Variants in HMMR observed in about 807,000 individuals in gnomAD.
The protein encoded by HMMR is intracellular hyaluronic acid-binding protein.
Under a neutral mutation model 101.0 loss-of-function variants are expected in HMMR, and 108 were observed. The ratio of observed to expected loss-of-function variants is 1.07; its 90% CI spans 0.92 to 1.25. The LOEUF (loss-of-function observed/expected upper bound fraction) is 1.25. Among genes scored for constraint, HMMR ranks in the 50% most tolerant of loss-of-function variants. The pLI, the probability that HMMR is intolerant of heterozygous loss-of-function variation, is 0.00. For synonymous variants in HMMR, 296 were observed against 276.4 expected, an observed-to-expected ratio of 1.07 and a Z score of -0.70; for missense variants, 813 against 788.7, an observed-to-expected ratio of 1.03 and a Z score of -0.37.
At chr5:163,489,261 G>T (rs1244481574) in intron 16 of HMMR, 2 of 152,310 alleles carry the variant, frequency 1.3e-5, no homozygotes, top group Non-Finnish European at 2.9e-5. Flanking sequence ...CTCCTGCTCT[G>T]CAGCCGGGTT....
In HMMR at chr5:163,460,677, G is replaced by C. The variant is rs1166910315; in HGVS notation, c.-16G>C. On this transcript the variant is annotated 5_prime_UTR_variant, in exon 1 of 18. Coordinates refer to ENST00000393915, the MANE Select transcript of HMMR (RefSeq NM_001142556.2). ...GGAGTGCCAGTCACCTTCAGTTTCTGGAGCTGGCCGTCAACATGTCCTTTC... is the reference window on the plus strand; with the variant it reads ...GGAGTGCCAGTCACCTTCAGTTTCTCGAGCTGGCCGTCAACATGTCCTTTC... 1 of 1,601,132 alleles carries C rather than the reference G, an allele frequency of 6.2e-7. No homozygotes were observed. Among genetic ancestry groups the C allele is most frequent in the Non-Finnish European group, 8.5e-7 (1 of 1,173,198 alleles).
chr5:163,465,638 A>G (rs889317924), intron 3 of HMMR, among the ~76,000 whole-genome samples: 1 of 152,002 alleles, frequency 6.6e-6, no homozygotes, highest in Non-Finnish European at 1.5e-5. Flanking sequence ...GTTGTCCACC[A>G]CACCCAGCCG....
At chr5:163,465,776 G>T (rs1308119539) in intron 3 of HMMR, among the ~76,000 whole-genome samples, 2 of 151,872 alleles carry the variant, frequency 1.3e-5, no homozygotes, top group Non-Finnish European at 2.9e-5. Context: ...TGGCCAACAT[G>T]TAGTCAAACC....
At chr5:163,489,596 G>A (rs1301745498) in intron 16 of HMMR, among the ~76,000 whole-genome samples, 2 of 152,140 alleles carry the variant, frequency 1.3e-5, no homozygotes, top group Non-Finnish European at 2.9e-5. Context: ...GCCCTCTTGA[G>A]TAACCTCCTG....
intron 15 of HMMR, 127 bp from the exon 16 acceptor site, chr5:163,483,942 C>A: frequency 1.8e-6 from 1 of 556,398 alleles, no homozygotes; most frequent in Non-Finnish European, 3.2e-6. Context: ...ATGGAGAGCC[C>A]TGAGAATATG....
chr5:163,484,211 T>C lies in HMMR; in HGVS notation c.1928T>C (p.Val643Ala), dbSNP rs199569126. 126 of 1,602,554 alleles carry C rather than the reference T, an allele frequency of 7.9e-5. 1 individual carries two copies. The African/African-American group carries it at 1.4e-3, about 17-fold the overall frequency. The change falls in exon 16 of 18, where the codon GTG becomes GCG. Residue 643 changes from valine to alanine, a missense_variant. Coordinates refer to ENST00000393915, the MANE Select transcript of HMMR (RefSeq NM_001142556.2). ...QNLKQKIKHV[V>A]KLKDENSQLK... ...TTGAAACAAAAAATCAAGCATGTTG[T>C]GAAGTTGAAAGATGAAAATAGCCAA...
At chr5:163,465,394 C>G (rs191020518) in intron 3 of HMMR, among the ~76,000 whole-genome samples, 1 of 151,980 alleles carries the variant, frequency 6.6e-6, no homozygotes, top group African/African-American at 2.4e-5. Context: ...AGTGCAGTGG[C>G]GCCATCTCAG....
At chr5:163,489,576 A>G (rs537322333) in intron 16 of HMMR, among the ~76,000 whole-genome samples, 13 of 152,136 alleles carry the variant, frequency 8.5e-5, no homozygotes, top group Non-Finnish European at 1.9e-4. Context: ...GAGATGAGGA[A>G]TAGCCTCAGG....
chr5:163,474,526 A>G (rs1177433442), intron 10 of HMMR: 2 of 463,120 alleles, frequency 4.3e-6, no homozygotes, highest in African/African-American at 2.0e-5. Context: ...GTCTAATTAC[A>G]GAAGAAACAA....
In HMMR at chr5:163,484,244, C is replaced by A; in HGVS notation, c.1961C>A (p.Ser654Ter). ...KLKDENSQLK[S>*]EVSKLRCQLA... Reference sequence around the variant, plus strand: ...AAAGATGAAAATAGCCAACTCAAATCGGTTTGTAAAATGACTTTTCATTTT... The same window carrying A: ...AAAGATGAAAATAGCCAACTCAAATAGGTTTGTAAAATGACTTTTCATTTT... The change falls in exon 16 of 18, where the codon TCG (serine) becomes TAG (stop). Residue 654 changes from serine (S) to a stop codon, truncating the protein, a stop_gained and splice_region_variant. Coordinates refer to ENST00000393915, the MANE Select transcript of HMMR (RefSeq NM_001142556.2). LOFTEE classifies it high-confidence loss of function. 2 of 1,564,140 alleles carry A rather than the reference C, an allele frequency of 1.3e-6. No individual in the cohort carries two copies. Among genetic ancestry groups the A allele is most frequent in the Non-Finnish European group, 1.7e-6 (2 of 1,147,370 alleles).
In HMMR at chr5:163,480,049, C is replaced by A. The variant is rs965462720; in HGVS notation, c.1385+1249C>A. On this transcript the variant is annotated intron_variant, in intron 12 of 17. Coordinates refer to ENST00000393915, the MANE Select transcript of HMMR (RefSeq NM_001142556.2). ...AATACAAAAGAATGCATAACATGTA[C>A]ATAAACTGTAGAGCTTGAAGATAAA... 2.6e-5 allele frequency among the ~76,000 whole-genome samples: 4 copies of A among 152,088 alleles called. No homozygotes were observed. The East Asian group carries it at 7.7e-4, about 29-fold the overall frequency.
intron 7 of HMMR, 82 bp from the exon 8 acceptor site, chr5:163,473,097 G>A: frequency 4.2e-6 from 3 of 709,228 alleles, no homozygotes; most frequent in Non-Finnish European, 7.5e-6. Context: ...GCCTGATACA[G>A]GAGTATCTGG....
intron 11 of HMMR, among the ~76,000 whole-genome samples, chr5:163,477,879 A>G (rs1759119913): frequency 6.6e-6 from 1 of 152,022 alleles, no homozygotes; most frequent in Admixed American, 6.5e-5. Context: ...TTTATTATAA[A>G]CTCTTTAGTC....
In HMMR at chr5:163,482,389, T is replaced by G. The variant is rs187546207; in HGVS notation, c.1386-253T>G. On this transcript the variant is annotated intron_variant, in intron 12 of 17. Coordinates refer to ENST00000393915, the MANE Select transcript of HMMR (RefSeq NM_001142556.2). ...ATTTTCATGCTTGGTAGTTGATTTCTTTTCCATCTCTGTATGCATACTTCC... is the reference window on the plus strand; with the variant it reads ...ATTTTCATGCTTGGTAGTTGATTTCGTTTCCATCTCTGTATGCATACTTCC... Among the ~76,000 whole-genome samples, 22 of 152,344 alleles carry G rather than the reference T, an allele frequency of 1.4e-4. 1 individual carries two copies. In the East Asian group the frequency reaches 4.2e-3, roughly 29 times the overall value.
At chr5:163,469,060 T>A (rs1290287390) in intron 4 of HMMR, among the ~76,000 whole-genome samples, 1 of 152,152 alleles carries the variant, frequency 6.6e-6, no homozygotes, top group Non-Finnish European at 1.5e-5. Context: ...TAGGTGGAAA[T>A]ACCTTAAAAG....
rs115147384 is a variant in HMMR, at chr5:163,471,281, G to C, written c.549+10G>C. On this transcript the variant is annotated intron_variant, in intron 6 of 17. Coordinates refer to ENST00000393915, the MANE Select transcript of HMMR (RefSeq NM_001142556.2). ...AGAAACAAAGATGAGGGTGAGTGCT[G>C]CCCTTGGCAGGTTTGCTGTGTCTGG... 1,135 of 1,608,380 alleles carry C rather than the reference G, an allele frequency of 7.1e-4. 4 individuals are homozygous for C. The African/African-American group carries it at 0.014, about 19-fold the overall frequency.
Position 163,483,154 on chromosome 5 carries a change from T to C in HMMR, c.1667T>C (p.Leu556Pro). 1 of 1,611,212 alleles carries C rather than the reference T, an allele frequency of 6.2e-7. No individual in the cohort carries two copies. The highest frequency in any genetic ancestry group is 8.5e-7 in the Non-Finnish European group (1 of 1,179,234). Residue 556 changes from leucine to proline, a missense_variant, in exon 14 of 18, where the codon CTG becomes CCG. Leu to Pro is a moderately conservative substitution (Grantham distance 98, BLOSUM62 -3). Coordinates refer to ENST00000393915, the MANE Select transcript of HMMR (RefSeq NM_001142556.2). ...KQQEEDFRKQ[L>P]EDEEGRKAEK... ...CAGGAGGAAGACTTTAGAAAACAGC[T>C]GGAAGATGAAGAAGGAAGGTAATCT...
At chr5:163,479,152 G>A (rs748470988) in intron 12 of HMMR, among the ~76,000 whole-genome samples, 22 of 152,108 alleles carry the variant, frequency 1.4e-4, no homozygotes, top group Non-Finnish European at 2.4e-4. Context: ...CTCTCTTGAT[G>A]TTATCATTTT....
intron 16 of HMMR, among the ~76,000 whole-genome samples, chr5:163,486,101 A>AT (rs1313070444): frequency 6.6e-6 from 1 of 152,116 alleles, no homozygotes; most frequent in Admixed American, 6.6e-5. Context: ...TGTATTTTTC[A>AT]ATATGGTTTT....
Sources: allele counts gnomAD v4.1 joint callset (sites outside exome capture counted in the v4.1 genomes callset), GRCh38; gene constraint gnomAD v4.1.1; transcripts MANE v1.5; gene names NCBI Gene and HGNC (gene_info 2026-07-23, HGNC 2026-07-21).